The following IGF1R variants were observed in gnomAD, a reference collection of about 807,000 sequenced individuals.
The protein encoded by IGF1R is insulin-like growth factor 1 receptor.
In IGF1R, 44 loss-of-function variants were observed where a neutral mutation model predicts 144.6. The ratio of observed to expected loss-of-function variants is 0.30; its 90% confidence interval spans 0.24 to 0.39. The LOEUF (loss-of-function observed/expected upper bound fraction) is 0.39. Among genes scored for constraint, IGF1R ranks in the 10% least tolerant of loss-of-function variants. The probability of loss-of-function intolerance (pLI) is 1.00; values close to 1 mark genes in which losing one functional copy is unlikely to be tolerated. For synonymous variants in IGF1R, 795 were observed against 722.8 expected (o/e 1.10, Z -1.60); for missense variants, 1,355 against 1,833.7 (o/e 0.74, Z 4.77).
At chr15:98,652,114 AGT>A (rs1224557481) in intron 1 of IGF1R, among the ~76,000 whole-genome samples, 2 of 152,202 alleles carry the variant, frequency 1.3e-5, no homozygotes, top group Admixed American at 6.5e-5. Context: ...CAGTAGAAAG[AGT>A]GTTGTTTATC....
intron 2 of IGF1R, among the ~76,000 whole-genome samples, chr15:98,731,295 T>C (rs1351392363): frequency 6.6e-6 from 1 of 152,210 alleles, no homozygotes; most frequent in African/African-American, 2.4e-5. Flanking sequence ...AACGTTTTGG[T>C]CAAATCCCGA....
chr15:98,755,718 C>CAAAAAAAAAAAAAAAAAAAAA (rs56121011), intron 2 of IGF1R, among the ~76,000 whole-genome samples: 4 of 34,502 alleles, frequency 1.2e-4, no homozygotes, highest in African/African-American at 4.7e-4. Flanking sequence ...AACTCCATTG[C>CAAAAAAAAAAAAAAAAAAAAA]AAAAAAAAAA....
intron 1 of IGF1R, among the ~76,000 whole-genome samples, chr15:98,680,984 A>G (rs2053174017): frequency 6.6e-6 from 1 of 152,248 alleles, no homozygotes; most frequent in South Asian, 2.1e-4. Flanking sequence ...TCAGTGCAGT[A>G]ATGCACTACA....
In IGF1R at chr15:98,962,260, G is replaced by A. The variant is rs527951885; in HGVS notation, c.*4818G>A. 5.6e-4 allele frequency: 130 copies of A among 233,378 alleles called. No individual in the cohort carries two copies. Among genetic ancestry groups the A allele is most frequent in the Middle Eastern group, 1.3e-3 (1 of 786 alleles). 14.5% of individuals were successfully genotyped at this position (233,378 alleles called of 1,614,324 possible). A position where few individuals can be genotyped will look rare whatever the true frequency, so the allele number is the denominator to read the frequency against. On this transcript the variant is annotated 3_prime_UTR_variant, in exon 21 of 21. Transcript: ENST00000650285. ...GCCCTCCTGGTGACAGTGACCCGCC[G>A]TGGTATGCCTTGGCCCATTCCAGCA...
chr15:98,739,484 A>G (rs962416849), intron 2 of IGF1R, among the ~76,000 whole-genome samples: 2 of 152,124 alleles, frequency 1.3e-5, no homozygotes, highest in Admixed American at 1.3e-4. Flanking sequence ...TTGATACCAA[A>G]TCAAAAACGA....
intron 2 of IGF1R, among the ~76,000 whole-genome samples, chr15:98,791,392 TA>T (rs1444605054): frequency 2.6e-5 from 4 of 152,226 alleles, no homozygotes; most frequent in East Asian, 1.9e-4. Flanking sequence ...AGTTTATTTT[TA>T]TATGACATTT....
At chr15:98,858,674 C>T (rs774748668) in intron 2 of IGF1R, among the ~76,000 whole-genome samples, 10 of 152,204 alleles carry the variant, frequency 6.6e-5, no homozygotes, top group African/African-American at 1.4e-4. Flanking sequence ...TAAACGTGGA[C>T]GAGGTCTCGC....
intron 2 of IGF1R, among the ~76,000 whole-genome samples, chr15:98,715,716 C>T (rs570279276): frequency 5.9e-5 from 9 of 152,204 alleles, no homozygotes; most frequent in African/African-American, 1.7e-4. Context: ...CTTAGAAACA[C>T]GCCTCCTTTG....
In IGF1R at chr15:98,714,286, C is replaced by T. The variant is rs191338140; in HGVS notation, c.640+6179C>T. Among the ~76,000 whole-genome samples the T allele has an allele frequency of 5.5e-3, 833 of 152,236 alleles. 9 individuals carry two copies. Among genetic ancestry groups the T allele is most frequent in the African/African-American group, 0.019 (784 of 41,534 alleles). On this transcript the variant is annotated intron_variant, in intron 2 of 20. Coordinates refer to ENST00000650285, the MANE Select transcript of IGF1R (RefSeq NM_000875.5). ...CGGAGTAGAGGCGCTCTCCTTCCCT[C>T]GTTTTCCTCTATAGGTTGGTGTGGC... is the stretch of plus-strand genomic sequence containing the variant.
chr15:98,686,670 AT>A (rs201014820), intron 1 of IGF1R, among the ~76,000 whole-genome samples: 136 of 145,690 alleles, frequency 9.3e-4, no homozygotes, highest in South Asian at 1.7e-3. Flanking sequence ...GAAGTATTTA[AT>A]TTTTTTTTTT....
chr15:98,748,248 C>T lies in IGF1R; in HGVS notation c.640+40141C>T, dbSNP rs573233787. The stretch of plus-strand genomic sequence containing the variant: ...GTGGTGTAGTCATAGCTCACTGGGA[C>T]CTCAAACACCTGGGTTCAAGGGATC... On this transcript the variant is annotated intron_variant, in intron 2 of 20. Coordinates refer to ENST00000650285, the MANE Select transcript of IGF1R (RefSeq NM_000875.5). Among the ~76,000 whole-genome samples, 105 of 152,258 alleles carry T rather than the reference C, an allele frequency of 6.9e-4. 1 individual carries two copies. Among genetic ancestry groups the T allele is most frequent in the African/African-American group, 2.4e-3 (100 of 41,542 alleles).
In IGF1R at chr15:98,658,342, C is replaced by A. The variant is rs527882643; in HGVS notation, c.94+8667C>A. On this transcript the variant is annotated intron_variant, in intron 1 of 20. Coordinates refer to ENST00000650285, the MANE Select transcript of IGF1R (RefSeq NM_000875.5). The stretch of plus-strand genomic sequence containing the variant: ...ATAGCTTTAGTTTCTCCTTAGCTGC[C>A]AATTAGTTCTTTGGTCCTAAAGTTA... 1.2e-3 allele frequency among the ~76,000 whole-genome samples: 181 copies of A among 152,290 alleles called. 1 individual carries two copies. Among genetic ancestry groups the A allele is most frequent in the Non-Finnish European group, 2.2e-3 (152 of 68,020 alleles).
chr15:98,878,225 A>T (rs991445981), intron 2 of IGF1R, among the ~76,000 whole-genome samples: 70 of 152,354 alleles, frequency 4.6e-4, no homozygotes, highest in African/African-American at 1.7e-3. Context: ...TGGTCAAAAC[A>T]GTCCCCAGTT....
At chr15:98,703,399 G>A (rs967382501) in intron 1 of IGF1R, among the ~76,000 whole-genome samples, 1 of 152,086 alleles carries the variant, frequency 6.6e-6, no homozygotes, top group Non-Finnish European at 1.5e-5. Context: ...TCCTGTTTGT[G>A]GCTTGCGCCT....
At chr15:98,691,048 C>T (rs189041778) in intron 1 of IGF1R, among the ~76,000 whole-genome samples, 6 of 152,296 alleles carry the variant, frequency 3.9e-5, no homozygotes, top group East Asian at 1.9e-4. Context: ...TTAACAGCTT[C>T]GCCTCTGTTA....
intron 1 of IGF1R, among the ~76,000 whole-genome samples, chr15:98,686,679 T>C (rs1006961951): frequency 2.6e-5 from 4 of 152,018 alleles, no homozygotes; most frequent in Admixed American, 2.6e-4. Flanking sequence ...AATTTTTTTT[T>C]TTTTTCTTAG....
At chr15:98,665,914 C>CCA in intron 1 of IGF1R, among the ~76,000 whole-genome samples, 1 of 58,366 alleles carries the variant, frequency 1.7e-5, no homozygotes, top group East Asian at 9.9e-4. Context: ...GGTAGATGGA[C>CCA]TTGAATGGTC....
intron 2 of IGF1R, among the ~76,000 whole-genome samples, chr15:98,780,222 T>C (rs1255608880): frequency 6.6e-6 from 1 of 151,838 alleles, no homozygotes; most frequent in East Asian, 1.9e-4. Flanking sequence ...TTCTAAGTGC[T>C]TTGCAGTGTA....
At chr15:98,815,191 G>A (rs992329355) in intron 2 of IGF1R, among the ~76,000 whole-genome samples, 1 of 152,246 alleles carries the variant, frequency 6.6e-6, no homozygotes, top group Non-Finnish European at 1.5e-5. Flanking sequence ...ACCAGCATAA[G>A]ATGTTGTCAT....
Sources: allele counts gnomAD v4.1 joint callset (sites outside exome capture counted in the v4.1 genomes callset), GRCh38; gene constraint gnomAD v4.1.1; transcripts MANE v1.5; gene names NCBI Gene and HGNC (gene_info 2026-07-23, HGNC 2026-07-21).